Variants in PRKACB observed in about 807,000 individuals in gnomAD.
The protein encoded by PRKACB is cAMP-dependent protein kinase catalytic subunit beta.
A neutral mutation model predicts 51.4 loss-of-function variants in PRKACB; 16 were observed. The observed-to-expected ratio is 0.31, with a 90% CI of 0.21 to 0.47. The LOEUF is 0.47. PRKACB is among the 20% of genes least tolerant of loss of function. The pLI, the probability that PRKACB is intolerant of heterozygous loss-of-function variation, is 1.00. For missense variants in PRKACB, 309 were observed against 464.5 expected (o/e 0.67, Z 3.08); for synonymous variants, 147 against 154.4 (o/e 0.95, Z 0.35).
intron 7 of PRKACB, among the ~76,000 whole-genome samples, chr1:84,198,808 T>A (rs1367278723): frequency 3.3e-5 from 5 of 150,142 alleles, no homozygotes; most frequent in African/African-American, 1.2e-4. Flanking sequence ...GCAGCCTTTT[T>A]AAAAACATTC....
intron 5 of PRKACB, among the ~76,000 whole-genome samples, chr1:84,193,583 T>G (rs1303773985): frequency 6.6e-6 from 1 of 152,146 alleles, no homozygotes; most frequent in African/African-American, 2.4e-5. Context: ...TTTGGGGAGC[T>G]GGCAAGCTGT....
At chr1:84,171,821 A>G (rs1659582651) in intron 1 of PRKACB, among the ~76,000 whole-genome samples, 2 of 151,654 alleles carry the variant, frequency 1.3e-5, no homozygotes, top group South Asian at 4.1e-4. Context: ...GAATCTGGCA[A>G]GATTGCCAGA....
At position 84,200,824 on chromosome 1, in the gene PRKACB, A is replaced by C. The variant is rs374532358; in HGVS notation, c.784-1859A>C. 5.9e-4 allele frequency among the ~76,000 whole-genome samples: 89 copies of C among 152,112 alleles called. 1 individual carries two copies. In the South Asian group the frequency reaches 0.018, roughly 31 times the overall value. On this transcript the variant is annotated intron_variant, in intron 7 of 9. Coordinates refer to ENST00000370685, the MANE Select transcript of PRKACB (RefSeq NM_182948.4). ...TATGGACTTATTTCTGGGTTGTCAT[A>C]GTTGAAATCATAGTAAATATATATA...
At chr1:84,172,550 A>G (rs1326941971) in intron 1 of PRKACB, among the ~76,000 whole-genome samples, 1 of 151,740 alleles carries the variant, frequency 6.6e-6, no homozygotes, top group Admixed American at 6.6e-5. Context: ...GTGAATGAAT[A>G]CACTGTGTGA....
At chr1:84,222,082 AT>A (rs1288891787) in intron 9 of PRKACB, among the ~76,000 whole-genome samples, 5 of 152,006 alleles carry the variant, frequency 3.3e-5, no homozygotes, top group Non-Finnish European at 7.4e-5. Flanking sequence ...ATCTAATAAT[AT>A]TTGCTTTCTA....
intron 1 of PRKACB, among the ~76,000 whole-genome samples, chr1:84,138,940 T>G (rs1331585535): frequency 6.6e-6 from 1 of 152,156 alleles, no homozygotes; most frequent in Non-Finnish European, 1.5e-5. Context: ...ACCACATGAT[T>G]TTATCAACAA....
At chr1:84,113,231 G>A (rs544948157) in intron 1 of PRKACB, among the ~76,000 whole-genome samples, 1 of 152,074 alleles carries the variant, frequency 6.6e-6, no homozygotes, top group Non-Finnish European at 1.5e-5. Flanking sequence ...TGTAAATTGG[G>A]ATAGCCATTC....
chr1:84,140,758 T>C (rs1055485751), upstream of PRKACB, among the ~76,000 whole-genome samples: 1 of 152,128 alleles, frequency 6.6e-6, no homozygotes, highest in Non-Finnish European at 1.5e-5. Flanking sequence ...TTCACTCTTA[T>C]TTGGAAAATA....
In PRKACB at chr1:84,237,255, G is replaced by C. The variant is rs922556200; in HGVS notation, c.*1950G>C. 6.6e-6 allele frequency: 1 copy of C among 152,610 alleles called. No homozygotes were observed. Among genetic ancestry groups the C allele is most frequent in the South Asian group, 2.1e-4 (1 of 4,826 alleles). 9.5% of individuals were successfully genotyped at this position (152,610 alleles called of 1,614,324 possible). A position where few individuals can be genotyped will look rare whatever the true frequency, so the allele number is the denominator to read the frequency against. On this transcript the variant is annotated 3_prime_UTR_variant, in exon 10 of 10. Coordinates refer to ENST00000370685, the MANE Select transcript of PRKACB (RefSeq NM_182948.4). Reference sequence around the variant, plus strand: ...TCGTATAAAATATTTTAATTTTCTTGTATTTCATTTAGACCCAAGAACATG... The same window carrying C: ...TCGTATAAAATATTTTAATTTTCTTCTATTTCATTTAGACCCAAGAACATG...
intron 1 of PRKACB, among the ~76,000 whole-genome samples, chr1:84,098,005 C>T (rs1031890117): frequency 6.6e-6 from 1 of 152,042 alleles, no homozygotes; most frequent in South Asian, 2.1e-4. Context: ...TTAGTCTAGT[C>T]AAGTTGACAC....
chr1:84,192,603 GCTCCAGAAGGGAACTTGT>G (rs1175409668), intron 5 of PRKACB, among the ~76,000 whole-genome samples: 4 of 152,090 alleles, frequency 2.6e-5, no homozygotes, highest in African/African-American at 9.7e-5. Flanking sequence ...GGAGGGAAAA[GCTCCAGAAGGGAACTTGT>G]CTCCGCTAGC....
intron 1 of PRKACB, among the ~76,000 whole-genome samples, chr1:84,134,018 C>G (rs190696930): frequency 2.0e-5 from 3 of 152,290 alleles, no homozygotes; most frequent in South Asian, 2.1e-4. Context: ...GGAAGTGGCT[C>G]TCAGCGGGAA....
intron 5 of PRKACB, among the ~76,000 whole-genome samples, chr1:84,186,287 C>T (rs1340140593): frequency 1.3e-5 from 2 of 151,934 alleles, no homozygotes; most frequent in East Asian, 1.9e-4. Flanking sequence ...GGCACCATTT[C>T]GACTTACTGC....
intron 1 of PRKACB, among the ~76,000 whole-genome samples, chr1:84,100,121 T>C (rs1469677479): frequency 6.6e-6 from 1 of 152,182 alleles, no homozygotes; most frequent in Non-Finnish European, 1.5e-5. Flanking sequence ...ACATTCATGG[T>C]AGAAGGGAAA....
chr1:84,143,095 A>G (rs1571780984), upstream of PRKACB, among the ~76,000 whole-genome samples: 1 of 152,186 alleles, frequency 6.6e-6, no homozygotes, highest in Non-Finnish European at 1.5e-5. Context: ...GTTAAATGCC[A>G]CAGGTTACTT....
At chr1:84,175,685 G>A (rs1057104878) in intron 1 of PRKACB, 7 of 859,706 alleles carry the variant, frequency 8.1e-6, no homozygotes, top group Non-Finnish European at 1.2e-5. Context: ...GGGATAAGAA[G>A]TAAGTTGTGT....
At chr1:84,091,118 A>C (rs1321885688) in intron 1 of PRKACB, among the ~76,000 whole-genome samples, 2 of 152,080 alleles carry the variant, frequency 1.3e-5, no homozygotes, top group African/African-American at 4.8e-5. Flanking sequence ...GATTTACAGT[A>C]TGTGTGATCA....
chr1:84,213,647 T>C (rs1400115287), intron 8 of PRKACB, among the ~76,000 whole-genome samples: 2 of 152,218 alleles, frequency 1.3e-5, no homozygotes, highest in East Asian at 3.8e-4. Context: ...GAAAAATGTT[T>C]TCCTATACTG....
At position 84,094,226 on chromosome 1, in the gene PRKACB, C is replaced by A. The variant is rs185799286; in HGVS notation, c.46+15855C>A. On this transcript the variant is annotated intron_variant, in intron 1 of 8. Transcript: ENST00000370688. ...ACCAGGCAGAAAATTTTTAAGATAT[C>A]CTGTTATCTGTTTAAGGAAGGTTTC... 2.1e-3 allele frequency among the ~76,000 whole-genome samples: 322 copies of A among 151,956 alleles called. 2 individuals are homozygous for A. The highest frequency in any genetic ancestry group is 7.5e-3 in the African/African-American group (311 of 41,496).
Sources: allele counts gnomAD v4.1 joint callset (sites outside exome capture counted in the v4.1 genomes callset), GRCh38; gene constraint gnomAD v4.1.1; transcripts MANE v1.5; gene names NCBI Gene and HGNC (gene_info 2026-07-23, HGNC 2026-07-21).